Variants in GRID1 observed in about 807,000 individuals in gnomAD.
GRID1 encodes glutamate receptor ionotropic, delta-1.
In GRID1, 28 loss-of-function variants were observed where a neutral mutation model predicts 98.0. That is an observed-to-expected ratio of 0.29 (90% confidence interval 0.21 to 0.39). The LOEUF (loss-of-function observed/expected upper bound fraction) is 0.39, where lower values mean the gene tolerates loss of function less well. Among genes scored for constraint, GRID1 ranks in the 10% least tolerant of loss-of-function variants. GRID1 has a pLI of 1.00. For missense variants in GRID1, 1,111 were observed against 1,340.5 expected (o/e 0.83, Z 2.67); for synonymous variants, 553 against 538.5 (o/e 1.03, Z -0.37).
At chr10:86,040,328 G>T (rs539090418) in intron 4 of GRID1, among the ~76,000 whole-genome samples, 1 of 152,152 alleles carries the variant, frequency 6.6e-6, no homozygotes, top group South Asian at 2.1e-4. Flanking sequence ...CAATAGTCAA[G>T]ATAAACTTAG....
At position 85,602,473 on chromosome 10, in the gene GRID1, A is replaced by G. The variant is rs1418589815; in HGVS notation, c.2830T>C (p.Ser944Pro). 1 of 1,613,866 alleles carries G rather than the reference A, an allele frequency of 6.2e-7. No individual in the cohort carries two copies. The highest frequency in any genetic ancestry group is 2.2e-5 in the East Asian group (1 of 44,808). Residue 944 changes from serine to proline, a missense_variant, in exon 16 of 16, where the codon TCA becomes CCA. Physicochemically the swap from Ser to Pro is moderately conservative, Grantham distance 74. Transcript: ENST00000327946. ...QSSHGTSRTL[S>P]SGPSSNLPLP... The stretch of plus-strand genomic sequence containing the variant: ...GGCAGGTTGCTGCTGGGCCCTGATG[A>G]GAGTGTCCGGCTGGTGCCATGGCTG...
In GRID1 at chr10:85,599,800, A is replaced by AC; in HGVS notation, c.*2472_*2473insG. On this transcript the variant is annotated 3_prime_UTR_variant, in exon 16 of 16. Coordinates refer to ENST00000327946, the MANE Select transcript of GRID1 (RefSeq NM_017551.3). ...GGGTAGAAAATTCTAAAAAAAAAAA[A>AC]AAATATATATATATATATATAAACA... is the stretch of plus-strand genomic sequence containing the variant. 1 of 46,374 alleles carries AC rather than the reference A, an allele frequency of 2.2e-5. No homozygotes were observed. Among genetic ancestry groups the AC allele is most frequent in the East Asian group, 4.5e-4 (1 of 2,222 alleles). 2.9% of individuals were successfully genotyped at this position (46,374 alleles called of 1,614,324 possible). A position where few individuals can be genotyped will look rare whatever the true frequency, so the allele number is the denominator to read the frequency against.
chr10:85,622,292 CAGGA>C (rs902576514), intron 13 of GRID1, among the ~76,000 whole-genome samples: 1 of 151,380 alleles, frequency 6.6e-6, no homozygotes, highest in African/African-American at 2.4e-5. Flanking sequence ...CCCTGCTAAC[CAGGA>C]AGGAAGTCCG....
intron 4 of GRID1, among the ~76,000 whole-genome samples, chr10:86,057,142 C>G (rs1174217108): frequency 6.6e-6 from 1 of 152,150 alleles, no homozygotes; most frequent in African/African-American, 2.4e-5. Flanking sequence ...GGGTTGTGAG[C>G]CCACAGAGAG....
chr10:85,950,187 A>G (rs1192207009), intron 4 of GRID1, among the ~76,000 whole-genome samples: 3 of 152,216 alleles, frequency 2.0e-5, no homozygotes, highest in Non-Finnish European at 4.4e-5. Context: ...TGGGAGGTTT[A>G]CATTCAACTA....
chr10:85,729,546 G>A lies in GRID1; in HGVS notation c.1302C>T (p.Leu434=). 1 of 1,612,362 alleles carries A rather than the reference G, an allele frequency of 6.2e-7. No homozygotes were observed. The highest frequency in any genetic ancestry group is 2.2e-5 in the East Asian group (1 of 44,852). ...SLQERPMGSR[L]QGLTLKVVTV... ...TCACCACTTTAAGAGTCAATCCTTG[G>A]AGGCGGCTGCCCATGGGCCTCTCTT... The change falls in exon 9 of 16, where the codon CTC becomes CTT. Residue 434 remains leucine (L), a synonymous_variant. Coordinates refer to ENST00000327946, the MANE Select transcript of GRID1 (RefSeq NM_017551.3).
chr10:86,286,743 A>G (rs1441930687), intron 2 of GRID1, among the ~76,000 whole-genome samples: 2 of 152,230 alleles, frequency 1.3e-5, no homozygotes, highest in Non-Finnish European at 2.9e-5. Context: ...AAAATGGGAC[A>G]ACAACGGTAC....
chr10:85,644,536 T>A (rs1843162159), intron 13 of GRID1, among the ~76,000 whole-genome samples: 1 of 152,256 alleles, frequency 6.6e-6, no homozygotes, highest in South Asian at 2.1e-4. Flanking sequence ...ATTATTCTGC[T>A]AAGATTCATC....
intron 2 of GRID1, among the ~76,000 whole-genome samples, chr10:86,246,416 AC>A (rs1327295837): frequency 6.6e-6 from 1 of 152,138 alleles, no homozygotes; most frequent in East Asian, 1.9e-4. Context: ...AGCCCTGGCC[AC>A]CAACAGAAGG....
chr10:86,247,159 TGATG>T (rs541609592), intron 2 of GRID1, among the ~76,000 whole-genome samples: 38 of 151,028 alleles, frequency 2.5e-4, no homozygotes, highest in African/African-American at 6.1e-4. Flanking sequence ...GATGAGTGGA[TGATG>T]GATGGATGGA....
intron 4 of GRID1, among the ~76,000 whole-genome samples, chr10:85,976,733 C>T (rs947863922): frequency 6.6e-6 from 1 of 152,222 alleles, no homozygotes; most frequent in Non-Finnish European, 1.5e-5. Context: ...CTGCTCTTGG[C>T]TGCAGACCTG....
chr10:85,710,779 G>A (rs1841573142), intron 12 of GRID1, among the ~76,000 whole-genome samples: 1 of 152,072 alleles, frequency 6.6e-6, no homozygotes, highest in African/African-American at 2.4e-5. Context: ...ACCCATAAAT[G>A]ATTCAATTAA....
intron 2 of GRID1, among the ~76,000 whole-genome samples, chr10:86,233,118 T>C (rs56228675): frequency 0.091 from 13,805 of 151,760 alleles, 753 homozygotes; most frequent in South Asian, 0.14. Flanking sequence ...GGGGACAGGA[T>C]GTGACACCCA....
intron 5 of GRID1, among the ~76,000 whole-genome samples, chr10:85,885,494 T>C (rs1452345537): frequency 6.6e-6 from 1 of 152,220 alleles, no homozygotes; most frequent in Non-Finnish European, 1.5e-5. Context: ...GAATTACTGA[T>C]ATGGAGGCTA....
At chr10:86,169,916 C>T (rs1187661331) in intron 3 of GRID1, among the ~76,000 whole-genome samples, 1 of 152,218 alleles carries the variant, frequency 6.6e-6, no homozygotes, top group South Asian at 2.1e-4. Context: ...CTTCCTCTGT[C>T]CTGCTCAGAG....
rs1445276416 is a variant in GRID1 at position 85,724,489 on chromosome 10, G to A, written c.1721C>T (p.Pro574Leu). The change falls in exon 11 of 16, where the codon CCT becomes CTT. Residue 574 changes from proline to leucine, a missense_variant. Around this residue, in one of 3 missense-constraint regions of GRID1, gnomAD observed 762 missense variants for 869.1 expected, o/e 0.88. Coordinates refer to ENST00000327946, the MANE Select transcript of GRID1 (RefSeq NM_017551.3). ...CACAAATATCAGCACACCAACCACAGGGATGGCTGCTGCAATGCAGGCCCA... is the reference window on the plus strand; with the variant it reads ...CACAAATATCAGCACACCAACCACAAGGATGGCTGCTGCAATGCAGGCCCA... ...AVWACIAAAIPVVGVLIFVLN... is the reference protein window; with the variant it reads ...AVWACIAAAILVVGVLIFVLN... 1 of 1,614,010 alleles carries A rather than the reference G, an allele frequency of 6.2e-7. No homozygotes were observed. Among genetic ancestry groups the A allele is most frequent in the African/African-American group, 1.3e-5 (1 of 74,928 alleles).
chr10:85,703,891 G>C (rs984031454), intron 12 of GRID1, among the ~76,000 whole-genome samples: 7 of 152,022 alleles, frequency 4.6e-5, no homozygotes, highest in African/African-American at 1.7e-4. Flanking sequence ...TCCATGTTTA[G>C]TGCTTCTTTC....
intron 8 of GRID1, among the ~76,000 whole-genome samples, chr10:85,770,536 G>A (rs1842252975): frequency 6.6e-6 from 1 of 152,150 alleles, no homozygotes; most frequent in Non-Finnish European, 1.5e-5. Flanking sequence ...CTAGCTACAG[G>A]AGGAAATTCA....
chr10:85,765,159 T>C (rs1255891315), intron 8 of GRID1, among the ~76,000 whole-genome samples: 1 of 152,204 alleles, frequency 6.6e-6, no homozygotes, highest in Non-Finnish European at 1.5e-5. Flanking sequence ...CTGAGGCTCA[T>C]AGAAGTTGAA....
Sources: allele counts gnomAD v4.1 joint callset (sites outside exome capture counted in the v4.1 genomes callset), GRCh38; gene constraint gnomAD v4.1.1; regional missense constraint gnomAD v4.1.1; transcripts MANE v1.5; gene names NCBI Gene and HGNC (gene_info 2026-07-23, HGNC 2026-07-21).